MTMR12: variants seen among roughly 807,000 people sequenced by gnomAD.
The protein encoded by MTMR12 is myotubularin-related protein 12.
Under a neutral mutation model 96.7 loss-of-function variants are expected in MTMR12, and 33 were observed. That is an observed-to-expected ratio of 0.34 (90% CI 0.26 to 0.46). The LOEUF (loss-of-function observed/expected upper bound fraction) is 0.46, where lower values mean the gene tolerates loss of function less well. Among genes scored for constraint, MTMR12 ranks in the 20% least tolerant of loss-of-function variants. The probability of loss-of-function intolerance (pLI) is 1.00; values close to 1 mark genes in which losing one functional copy is unlikely to be tolerated. For synonymous variants in MTMR12, 298 were observed against 327.2 expected (o/e 0.91, Z 0.96); for missense variants, 721 against 896.1 (o/e 0.80, Z 2.49).
intron 2 of MTMR12, among the ~76,000 whole-genome samples, chr5:32,276,464 G>A (rs1750054765): frequency 2.0e-5 from 3 of 152,296 alleles, no homozygotes; most frequent in South Asian, 2.1e-4. Flanking sequence ...ATCAGTTTGG[G>A]GGAAGAGGAA....
In MTMR12 at chr5:32,279,724, G is replaced by T. The variant is rs140263551; in HGVS notation, c.82-2982C>A. 2.9e-3 allele frequency among the ~76,000 whole-genome samples: 449 copies of T among 152,336 alleles called. 3 individuals carry two copies. Among genetic ancestry groups the T allele is most frequent in the African/African-American group, 0.01 (436 of 41,576 alleles). ...GACAATTTTTCCACGGACCTGGCAG[G>T]GGGGCAGGGGATGATTTTGGGATGA... On this transcript the variant is annotated intron_variant, in intron 1 of 15. Transcript: ENST00000382142.
At chr5:32,249,163 T>C (rs925368103) in intron 8 of MTMR12, among the ~76,000 whole-genome samples, 4 of 152,198 alleles carry the variant, frequency 2.6e-5, no homozygotes, top group African/African-American at 9.7e-5. Context: ...AACAACATTA[T>C]TATTATTAGG....
intron 6 of MTMR12, among the ~76,000 whole-genome samples, chr5:32,265,587 A>T (rs1162487475): frequency 6.6e-6 from 1 of 152,266 alleles, no homozygotes; most frequent in Non-Finnish European, 1.5e-5. Flanking sequence ...CTAAGACAGC[A>T]CCCAGTTAAT....
At chr5:32,240,688 C>T (rs1175022445) in intron 12 of MTMR12, among the ~76,000 whole-genome samples, 1 of 152,132 alleles carries the variant, frequency 6.6e-6, no homozygotes, top group Non-Finnish European at 1.5e-5. Flanking sequence ...GCAACCTCTG[C>T]CTCCCAGATT....
chr5:32,243,653 G>T, intron 10 of MTMR12, 54 bp from the exon 11 acceptor site: 3 of 1,173,652 alleles, frequency 2.6e-6, no homozygotes, highest in Non-Finnish European at 2.5e-6. Context: ...TGACATACTT[G>T]CCACAAAAAT....
chr5:32,279,962 A>G (rs558471642), intron 1 of MTMR12, among the ~76,000 whole-genome samples: 11 of 152,334 alleles, frequency 7.2e-5, no homozygotes, highest in Admixed American at 6.5e-4. Flanking sequence ...GACTAGTACC[A>G]GTCCGCAGTC....
chr5:32,228,725 TATC>T lies in MTMR12; in HGVS notation c.*1050_*1052del, dbSNP rs1381778806. 6.6e-6 allele frequency: 1 copy of T among 150,788 alleles called. No homozygotes were observed. The highest frequency in any genetic ancestry group is 1.5e-5 in the Non-Finnish European group (1 of 67,794). 9.3% of individuals were successfully genotyped at this position (150,788 alleles called of 1,614,324 possible). On this transcript the variant is annotated 3_prime_UTR_variant, in exon 16 of 16. Transcript: ENST00000382142. Reference sequence around the variant, plus strand: ...TCTATGGCTTTTAAAATCACTGAGGTATCATATGATAATCATCACTTCTGATAT... The same window carrying T: ...TCTATGGCTTTTAAAATCACTGAGGTATATGATAATCATCACTTCTGATAT...
intron 5 of MTMR12, among the ~76,000 whole-genome samples, chr5:32,269,603 C>A (rs1749754177): frequency 6.6e-6 from 1 of 152,214 alleles, no homozygotes; most frequent in Non-Finnish European, 1.5e-5. Flanking sequence ...CCGTGCCCAG[C>A]CCAGTGTGTC....
At chr5:32,273,364 A>C (rs1749915399) in intron 3 of MTMR12, among the ~76,000 whole-genome samples, 1 of 152,206 alleles carries the variant, frequency 6.6e-6, no homozygotes, top group African/African-American at 2.4e-5. Context: ...TGACAGAGTG[A>C]GACTCTGTCT....
Position 32,305,021 on chromosome 5 carries a change from T to C in MTMR12, c.81+7737A>G, listed in dbSNP as rs189577043. ...CACGCTCAAAGAGAAAATTCTGCAA[T>C]TAAGAAATTAGCTGGGTGAGTTCTG... On this transcript the variant is annotated intron_variant, in intron 1 of 15. Coordinates refer to ENST00000382142, the MANE Select transcript of MTMR12 (RefSeq NM_001040446.3). Among the ~76,000 whole-genome samples the C allele has an allele frequency of 1.8e-3, 280 of 152,330 alleles. 1 individual carries two copies. The highest frequency in any genetic ancestry group is 6.4e-3 in the African/African-American group (267 of 41,576).
chr5:32,285,734 T>TAGGCCAGACAGG (rs1424163912), intron 1 of MTMR12, among the ~76,000 whole-genome samples: 4 of 152,122 alleles, frequency 2.6e-5, no homozygotes, highest in African/African-American at 9.7e-5. Context: ...TGGCAATGTC[T>TAGGCCAGACAGG]AGGCCAGACA....
intron 1 of MTMR12, among the ~76,000 whole-genome samples, chr5:32,291,664 A>G (rs902596553): frequency 1.3e-5 from 2 of 152,168 alleles, no homozygotes; most frequent in African/African-American, 2.4e-5. Flanking sequence ...ATGGGCCCAT[A>G]AACGAAATGG....
At chr5:32,286,225 G>C (rs1750535098) in intron 1 of MTMR12, among the ~76,000 whole-genome samples, 1 of 152,164 alleles carries the variant, frequency 6.6e-6, no homozygotes. Flanking sequence ...TGTAGTCCCA[G>C]CTACTCAGGA....
rs1469412597 is a variant in MTMR12, at chr5:32,270,808, A to C, written c.489+9T>G. 1 of 1,599,566 alleles carries C rather than the reference A, an allele frequency of 6.3e-7. No individual in the cohort carries two copies. The highest frequency in any genetic ancestry group is 8.5e-7 in the Non-Finnish European group (1 of 1,174,972). ...GAAATAAAACCTAAAAACACATGCAACTAGTTACCCTTTTGACTTCCTCTT... is the reference window on the plus strand; with the variant it reads ...GAAATAAAACCTAAAAACACATGCACCTAGTTACCCTTTTGACTTCCTCTT... On this transcript the variant is annotated intron_variant, in intron 5 of 15. Transcript: ENST00000382142.
At chr5:32,277,131 C>T (rs568485708) in intron 1 of MTMR12, among the ~76,000 whole-genome samples, 5 of 151,852 alleles carry the variant, frequency 3.3e-5, no homozygotes, top group East Asian at 1.9e-4. Flanking sequence ...GTGATCTGCC[C>T]GCGTCAGCCT....
chr5:32,268,878 T>C lies in MTMR12; in HGVS notation c.490-84A>G. 2.7e-6 allele frequency: 3 copies of C among 1,104,408 alleles called. No individual in the cohort carries two copies. In the South Asian group the frequency reaches 3.8e-5, roughly 14 times the overall value. The allele number at this position is 1,104,408 out of a possible 1,614,324, so 68.4% of individuals were successfully genotyped here. On this transcript the variant is annotated intron_variant, in intron 5 of 15. Transcript: ENST00000382142. ...GACAAGAGTCAAGGTGTCTAAGTTC[T>C]TAGTCATGCCAAAGGGGTTCCAATG...
chr5:32,235,915 G>A (rs568974954), intron 13 of MTMR12, among the ~76,000 whole-genome samples: 19 of 152,182 alleles, frequency 1.2e-4, no homozygotes, highest in Non-Finnish European at 2.4e-4. Flanking sequence ...TTACAAAGGA[G>A]GAAAGGGAAG....
At chr5:32,260,734 G>T (rs1749331834) in intron 7 of MTMR12, among the ~76,000 whole-genome samples, 1 of 151,164 alleles carries the variant, frequency 6.6e-6, no homozygotes, top group African/African-American at 2.4e-5. Flanking sequence ...CAGGGCGGGG[G>T]GGAGGGGGAC....
In MTMR12 at chr5:32,229,989, ATCTTC is replaced by A; in HGVS notation, c.2028_2032del (p.Glu676AspfsTer14). On this transcript the variant is annotated frameshift_variant, in exon 16 of 16. Coordinates refer to ENST00000382142, the MANE Select transcript of MTMR12 (RefSeq NM_001040446.3). LOFTEE classifies it high-confidence loss of function. ...CTGCTGGCTGTGGTGTCTCTCGTCG[ATCTTC>A]TCTTGTAAACTCTGGACTTCCTCCA... The A allele has an allele frequency of 6.2e-7, 1 of 1,612,424 alleles. No individual in the cohort carries two copies. Among genetic ancestry groups the A allele is most frequent in the Non-Finnish European group, 8.5e-7 (1 of 1,178,634 alleles).
Sources: allele counts gnomAD v4.1 joint callset (sites outside exome capture counted in the v4.1 genomes callset), GRCh38; gene constraint gnomAD v4.1.1; transcripts MANE v1.5; gene names NCBI Gene and HGNC (gene_info 2026-07-23, HGNC 2026-07-21).